The following SLMAP variants were observed in gnomAD, a reference collection of about 807,000 sequenced individuals.
SLMAP encodes sarcolemma associated protein, also known as sarcolemmal membrane-associated protein.
Under a neutral mutation model 128.8 loss-of-function variants are expected in SLMAP, and 44 were observed. The observed-to-expected ratio is 0.34, with a 90% CI of 0.27 to 0.44. The LOEUF is 0.44. Ranked by LOEUF, SLMAP falls within the 20% of genes least tolerant of loss-of-function variation. SLMAP has a pLI of 1.00. For missense variants in SLMAP, 787 were observed against 985.3 expected, an observed-to-expected ratio of 0.80 and a Z score of 2.69; for synonymous variants, 327 against 348.8, an observed-to-expected ratio of 0.94 and a Z score of 0.70.
chr3:57,895,536 A>G (rs980400297), intron 15 of SLMAP, among the ~76,000 whole-genome samples: 2 of 152,068 alleles, frequency 1.3e-5, no homozygotes, highest in East Asian at 1.9e-4. Flanking sequence ...GGGTTTCACC[A>G]TCTTGGCCAT....
At chr3:57,764,749 G>A (rs1442743448) in intron 2 of SLMAP, among the ~76,000 whole-genome samples, 4 of 152,154 alleles carry the variant, frequency 2.6e-5, no homozygotes, top group African/African-American at 7.2e-5. Flanking sequence ...TCTTGGTCAA[G>A]TTCACCTAGC....
intron 14 of SLMAP, among the ~76,000 whole-genome samples, chr3:57,880,774 G>T (rs1420285127): frequency 6.6e-6 from 1 of 151,758 alleles, no homozygotes; most frequent in African/African-American, 2.4e-5. Flanking sequence ...AGTCATACCT[G>T]CCCGGGAGGC....
chr3:57,869,650 A>ATATATATATATATATATG (rs2095430656), intron 13 of SLMAP, among the ~76,000 whole-genome samples: 1 of 134,176 alleles, frequency 7.5e-6, no homozygotes, highest in South Asian at 2.2e-4. Flanking sequence ...ATATATATAT[A>ATATATATATATATATATG]TATATATATA....
chr3:57,793,056 T>C lies in SLMAP; in HGVS notation c.198+35207T>C, dbSNP rs182154065. 6.1e-3 allele frequency among the ~76,000 whole-genome samples: 934 copies of C among 152,230 alleles called. 30 individuals are homozygous for C. The highest frequency in any genetic ancestry group is 0.049 in the Admixed American group (748 of 15,294). ...TGGGAGGCTGAAGTGGGAGGATCAC[T>C]TGAGTCCAGGAGGCCGAAGTTGCAG... is the stretch of plus-strand genomic sequence containing the variant. On this transcript the variant is annotated intron_variant, in intron 2 of 24. Coordinates refer to ENST00000671191, the MANE Select transcript of SLMAP (RefSeq NM_001377540.1).
intron 13 of SLMAP, among the ~76,000 whole-genome samples, chr3:57,869,643 T>TATATATATATATATA (rs1553900419): frequency 4.6e-4 from 60 of 129,662 alleles, no homozygotes; most frequent in African/African-American, 1.7e-3. Flanking sequence ...TATATATATA[T>TATATATATATATATA]ATATATATAT....
intron 22 of SLMAP, among the ~76,000 whole-genome samples, chr3:57,921,494 C>T (rs1198334704): frequency 6.6e-6 from 1 of 151,874 alleles, no homozygotes; most frequent in Non-Finnish European, 1.5e-5. Context: ...GATGTGGCAG[C>T]AGGTGCCCGT....
intron 2 of SLMAP, among the ~76,000 whole-genome samples, chr3:57,804,124 AAAGC>A (rs1438779491): frequency 6.6e-6 from 1 of 152,222 alleles, no homozygotes; most frequent in African/African-American, 2.4e-5. Flanking sequence ...AGTAGAGCCA[AAAGC>A]AAGAACAGAA....
At chr3:57,922,585 C>T (rs976136519) in intron 22 of SLMAP, among the ~76,000 whole-genome samples, 32 of 151,890 alleles carry the variant, frequency 2.1e-4, no homozygotes, top group African/African-American at 6.5e-4. Flanking sequence ...TGCACCACCA[C>T]GCCCAGCTAA....
chr3:57,813,241 A>G (rs377414622), intron 2 of SLMAP, among the ~76,000 whole-genome samples: 6 of 152,040 alleles, frequency 3.9e-5, no homozygotes, highest in South Asian at 2.1e-4. Context: ...GATTACAGGC[A>G]TGCGCCACTG....
chr3:57,892,646 C>G (rs2153653622), intron 15 of SLMAP, among the ~76,000 whole-genome samples: 1 of 152,100 alleles, frequency 6.6e-6, no homozygotes, highest in Middle Eastern at 3.4e-3. Context: ...ACTTGACTTG[C>G]TAAAAACTTG....
intron 19 of SLMAP, among the ~76,000 whole-genome samples, chr3:57,910,617 G>T (rs2096671219): frequency 6.6e-6 from 1 of 152,164 alleles, no homozygotes; most frequent in African/African-American, 2.4e-5. Context: ...GAAATTTCCA[G>T]AAAGACCCCT....
chr3:57,792,482 A>G (rs771053515), intron 2 of SLMAP, among the ~76,000 whole-genome samples: 57 of 151,874 alleles, frequency 3.8e-4, no homozygotes, highest in Admixed American at 1.2e-3. Context: ...TTAGTATTGA[A>G]TAGGTTTTAA....
chr3:57,897,032 TAA>T, intron 17 of SLMAP, 100 bp downstream of exon 17: 23 of 1,554,436 alleles, frequency 1.5e-5, no homozygotes, highest in Non-Finnish European at 2.0e-5. Context: ...AATTTTTAGT[TAA>T]GAGATTAAGA....
intron 4 of SLMAP, 101 bp downstream of exon 4, chr3:57,841,472 A>G (rs576353857): frequency 3.0e-5 from 16 of 526,892 alleles, no homozygotes; most frequent in Non-Finnish European, 5.0e-5. Flanking sequence ...TACCTGCTTC[A>G]GGACTATTTA....
intron 2 of SLMAP, among the ~76,000 whole-genome samples, chr3:57,761,018 C>T (rs1576004929): frequency 3.3e-5 from 5 of 150,668 alleles, no homozygotes; most frequent in South Asian, 2.1e-4. Context: ...TGAGCCACCG[C>T]GCCCGGCCAG....
At chr3:57,807,664 T>C (rs1398534822) in intron 2 of SLMAP, among the ~76,000 whole-genome samples, 1 of 152,168 alleles carries the variant, frequency 6.6e-6, no homozygotes, top group Non-Finnish European at 1.5e-5. Flanking sequence ...TGCATAAGCT[T>C]TTTGATGTGC....
chr3:57,796,238 A>C (rs1295912287), intron 2 of SLMAP, among the ~76,000 whole-genome samples: 1 of 152,236 alleles, frequency 6.6e-6, no homozygotes, highest in Non-Finnish European at 1.5e-5. Flanking sequence ...TGTTAAGATC[A>C]GAATAGTAGT....
chr3:57,872,628 GACAA>G (rs1000475832), intron 14 of SLMAP, among the ~76,000 whole-genome samples: 3 of 152,152 alleles, frequency 2.0e-5, no homozygotes, highest in Admixed American at 1.3e-4. Context: ...TCCAAAGACA[GACAA>G]ACAAACAAAA....
chr3:57,820,589 A>G (rs567216516), intron 2 of SLMAP, among the ~76,000 whole-genome samples: 2 of 152,320 alleles, frequency 1.3e-5, no homozygotes, highest in South Asian at 2.1e-4. Context: ...GGTTCCATAC[A>G]TGCAGGCTTT....
Sources: allele counts gnomAD v4.1 joint callset (sites outside exome capture counted in the v4.1 genomes callset), GRCh38; gene constraint gnomAD v4.1.1; transcripts MANE v1.5; gene names NCBI Gene and HGNC (gene_info 2026-07-23, HGNC 2026-07-21).